The following MED14 variants were observed in gnomAD, a reference collection of about 807,000 sequenced individuals.
The protein encoded by MED14 is mediator complex subunit 14.
MED14 carries 8 observed loss-of-function variants against 109.0 expected under a neutral mutation model. The observed-to-expected ratio is 0.07, with a 90% CI of 0.04 to 0.13. The LOEUF is 0.13. Ranked by LOEUF, MED14 falls within the 10% of genes least tolerant of loss-of-function variation. MED14 has a pLI of 1.00. For missense variants in MED14, 711 were observed against 1,142.4 expected (o/e 0.62, Z 5.44); for synonymous variants, 399 against 408.7 (o/e 0.98, Z 0.29).
At position 40,649,648 on chromosome X, in the gene MED14, G is replaced by A; in HGVS notation, c.*2158C>T. 1 of 934,992 alleles carries A rather than the reference G, an allele frequency of 1.1e-6. No homozygotes were observed. The highest frequency in any genetic ancestry group is 1.4e-6 in the Non-Finnish European group (1 of 736,923). The allele number at this position is 934,992 out of a possible 1,213,427, so 77.1% of individuals were successfully genotyped here. A position where few individuals can be genotyped will look rare whatever the true frequency, so the allele number is the denominator to read the frequency against. Reference sequence around the variant, plus strand: ...ACCCGATTATTAGAGAAAATCACTTGGGCATCCAGTCCCCTTGATCGAACC... The same window carrying A: ...ACCCGATTATTAGAGAAAATCACTTAGGCATCCAGTCCCCTTGATCGAACC... On this transcript the variant is annotated 3_prime_UTR_variant, in exon 31 of 31. Transcript: ENST00000324817.
rs1928884614 is a variant in MED14, at chrX:40,651,733, T to TA, written c.*72dup. 1.8e-6 allele frequency: 2 copies of TA among 1,108,873 alleles called. No individual in the cohort carries two copies. Among genetic ancestry groups the TA allele is most frequent in the Non-Finnish European group, 2.4e-6 (2 of 849,096 alleles). 91.4% of individuals were successfully genotyped at this position (1,108,873 alleles called of 1,213,427 possible). On this transcript the variant is annotated 3_prime_UTR_variant, in exon 31 of 31. Coordinates refer to ENST00000324817, the MANE Select transcript of MED14 (RefSeq NM_004229.4). Reference sequence around the variant, plus strand: ...TAAAAAAAAAGTCCTTTTCCTTTTTTAAACTGAAGGCTGAATTCAGATTTT... The same window carrying TA: ...TAAAAAAAAAGTCCTTTTCCTTTTTTAAAACTGAAGGCTGAATTCAGATTTT...
chrX:40,658,216 G>A (rs1221025640), intron 28 of MED14, among the ~76,000 whole-genome samples: 5 of 109,565 alleles, frequency 4.6e-5, no homozygotes, highest in Non-Finnish European at 3.8e-5. Context: ...TCAGCCTCCC[G>A]AGTAGCTGGG....
chrX:40,701,560 A>G (rs1313695066), intron 11 of MED14, among the ~76,000 whole-genome samples: 1 of 111,756 alleles, frequency 8.9e-6, no homozygotes, highest in Non-Finnish European at 1.9e-5. Flanking sequence ...AGTCTACTTA[A>G]TCAGTATTTT....
rs767115928 is a variant in MED14, at chrX:40,705,258, C to T, written c.1286-1689G>A. ...GAAACATTTCCATAGTGTCACAATT[C>T]CTGACAGGGTAGGAGTGAATTCTCT... On this transcript the variant is annotated intron_variant, in intron 10 of 30. Transcript: ENST00000324817. 8.0e-5 allele frequency among the ~76,000 whole-genome samples: 9 copies of T among 112,246 alleles called. No homozygotes were observed. In the East Asian group the frequency reaches 2.5e-3, roughly 31 times the overall value.
intron 22 of MED14, among the ~76,000 whole-genome samples, chrX:40,672,280 C>A (rs1479343910): frequency 4.5e-5 from 5 of 112,299 alleles, no homozygotes; most frequent in Admixed American, 9.4e-5. Flanking sequence ...TATTATTTAT[C>A]TACCATTTCA....
chrX:40,659,381 T>C (rs774883112), intron 27 of MED14, 47 bp from the exon 28 acceptor site: 1 of 1,169,501 alleles, frequency 8.6e-7, no homozygotes, highest in Non-Finnish European at 1.2e-6. Flanking sequence ...ACATTAATGC[T>C]TCTGTTTCAT....
intron 25 of MED14, among the ~76,000 whole-genome samples, chrX:40,664,054 T>C (rs1929388902): frequency 9.0e-6 from 1 of 110,588 alleles, no homozygotes; most frequent in African/African-American, 3.3e-5. Context: ...CAATAATGCC[T>C]ACGTGATGAA....
At position 40,727,205 on chromosome X, in the gene MED14, T is replaced by G. The variant is rs886148705; in HGVS notation, c.243-354A>C. ...AGGGATTAAATGAGGAGTTATGAAT[T>G]ATAAGTTCATAACTGAAATTAGGAG... On this transcript the variant is annotated intron_variant, in intron 2 of 30. Transcript: ENST00000324817. Among the ~76,000 whole-genome samples the G allele has an allele frequency of 5.4e-5, 6 of 111,934 alleles. No individual in the cohort carries two copies. The Admixed American group carries it at 5.7e-4, about 11-fold the overall frequency.
Position 40,651,779 on chromosome X carries a change from G to T in MED14, c.*27C>A, listed in dbSNP as rs780469397. ...ATTTTTTTTGTTGTCTCATCTGTCA[G>T]CCTTCCTGGTTTAAAAACAATAGTG... On this transcript the variant is annotated 3_prime_UTR_variant, in exon 31 of 31. Transcript: ENST00000324817. The T allele has an allele frequency of 1.7e-6, 2 of 1,159,957 alleles. No individual in the cohort carries two copies. The highest frequency in any genetic ancestry group is 2.3e-6 in the Non-Finnish European group (2 of 874,031).
At chrX:40,664,741 A>G (rs1310339735) in intron 24 of MED14, among the ~76,000 whole-genome samples, 1 of 112,044 alleles carries the variant, frequency 8.9e-6, no homozygotes, top group East Asian at 2.8e-4. Context: ...ACAAGCTTCA[A>G]TGTATGTAAT....
In MED14 at chrX:40,726,870, C is replaced by G. The variant is rs1931911296; in HGVS notation, c.243-19G>C. 2.7e-6 allele frequency: 3 copies of G among 1,096,911 alleles called. No homozygotes were observed. Among genetic ancestry groups the G allele is most frequent in the Non-Finnish European group, 3.8e-6 (3 of 799,958 alleles). The allele number at this position is 1,096,911 out of a possible 1,213,427, so 90.4% of individuals were successfully genotyped here. A position where few individuals can be genotyped will look rare whatever the true frequency, so the allele number is the denominator to read the frequency against. ...TATTTTCCTATAAAATAAAACAACT[C>G]TTAATGAACCAACATATTAGAAACA... On this transcript the variant is annotated intron_variant, in intron 2 of 30. Transcript: ENST00000324817.
At chrX:40,713,104 C>T in intron 5 of MED14, 62 bp from the exon 6 acceptor site, 1 of 1,051,626 alleles carries the variant, frequency 9.5e-7, no homozygotes, top group East Asian at 3.2e-5. Context: ...GAATCTTCCT[C>T]CTGACCTAGA....
chrX:40,707,386 G>A (rs73199806), intron 10 of MED14, among the ~76,000 whole-genome samples: 93 of 111,809 alleles, frequency 8.3e-4, no homozygotes, highest in Middle Eastern at 4.6e-3. Flanking sequence ...TGTTAAACAC[G>A]TCAAAAGGTT....
intron 1 of MED14, among the ~76,000 whole-genome samples, chrX:40,732,467 C>T (rs928346567): frequency 2.2e-4 from 24 of 107,676 alleles, no homozygotes; most frequent in Admixed American, 2.1e-3. Context: ...TGCAGCAAGC[C>T]GAGATCACAC....
intron 12 of MED14, among the ~76,000 whole-genome samples, chrX:40,697,763 T>A (rs992498426): frequency 8.9e-6 from 1 of 111,976 alleles, no homozygotes; most frequent in African/African-American, 3.3e-5. Flanking sequence ...TGATGCATAA[T>A]GAAACTACAG....
intron 21 of MED14, among the ~76,000 whole-genome samples, chrX:40,675,923 A>G (rs899659629): frequency 8.9e-6 from 1 of 112,131 alleles, no homozygotes; most frequent in African/African-American, 3.2e-5. Context: ...ATTCTCTTTA[A>G]CACTCCTCAC....
At chrX:40,726,979 C>A (rs1299041210) in intron 2 of MED14, 128 bp from the exon 3 acceptor site, 1 of 518,233 alleles carries the variant, frequency 1.9e-6, no homozygotes, top group Admixed American at 4.4e-5. Context: ...AAATGAGCCA[C>A]CTAAAATATT....
chrX:40,715,065 A>G (rs1931464229), intron 3 of MED14: 1 of 142,902 alleles, frequency 7.0e-6, no homozygotes, highest in Non-Finnish European at 1.4e-5. Context: ...AGTTAAAAGC[A>G]TGGACTCCTA....
chrX:40,660,436 C>T (rs948061786), intron 26 of MED14, among the ~76,000 whole-genome samples: 1 of 111,674 alleles, frequency 9.0e-6, no homozygotes, highest in Admixed American at 9.5e-5. Context: ...CCCCGGGGGT[C>T]GACAAACTTT....
Sources: allele counts gnomAD v4.1 joint callset (sites outside exome capture counted in the v4.1 genomes callset), GRCh38; gene constraint gnomAD v4.1.1; transcripts MANE v1.5; gene names NCBI Gene and HGNC (gene_info 2026-07-23, HGNC 2026-07-21).